The following SH3GL2 variants were observed in gnomAD, a reference collection of about 807,000 sequenced individuals.
The protein encoded by SH3GL2 is endophilin-A1.
Under a neutral mutation model 46.0 loss-of-function variants are expected in SH3GL2, and 24 were observed. That is an observed-to-expected ratio of 0.52 (90% CI 0.38 to 0.73). SH3GL2 has a LOEUF of 0.73. SH3GL2 is among the 30% of genes least tolerant of loss of function. The pLI is 0.00. For synonymous variants in SH3GL2, 196 were observed against 147.1 expected, an observed-to-expected ratio of 1.33 and a Z score of -2.40; for missense variants, 413 against 424.2, an observed-to-expected ratio of 0.97 and a Z score of 0.23.
intron 1 of SH3GL2, among the ~76,000 whole-genome samples, chr9:17,637,844 G>T (rs1248404701): frequency 1.2e-4 from 19 of 152,226 alleles, no homozygotes; most frequent in Admixed American, 1.2e-3. Context: ...CCTCCATCCA[G>T]CTTACCTTTT....
chr9:17,782,759 T>C (rs370696563), intron 3 of SH3GL2, among the ~76,000 whole-genome samples: 12 of 152,196 alleles, frequency 7.9e-5, no homozygotes, highest in Admixed American at 5.9e-4. Flanking sequence ...AGAAGCATTT[T>C]ATAAAAAATT....
chr9:17,640,475 A>G (rs1269554551), intron 1 of SH3GL2, among the ~76,000 whole-genome samples: 1 of 152,054 alleles, frequency 6.6e-6, no homozygotes, highest in Non-Finnish European at 1.5e-5. Context: ...TTTGTTTTGA[A>G]TCAAAGAGCT....
intron 1 of SH3GL2, among the ~76,000 whole-genome samples, chr9:17,695,720 G>T (rs1355249208): frequency 2.6e-5 from 4 of 151,930 alleles, no homozygotes; most frequent in Admixed American, 2.0e-4. Flanking sequence ...CTATTATGCA[G>T]AGAGCTAGGA....
intron 1 of SH3GL2, among the ~76,000 whole-genome samples, chr9:17,741,613 G>C (rs1321418066): frequency 2.0e-5 from 3 of 152,004 alleles, no homozygotes; most frequent in Admixed American, 6.6e-5. Context: ...CATAGTTAAG[G>C]GTCCTTATTT....
At chr9:17,604,187 C>T (rs1000594384) in intron 1 of SH3GL2, among the ~76,000 whole-genome samples, 7 of 152,150 alleles carry the variant, frequency 4.6e-5, no homozygotes, top group Non-Finnish European at 8.8e-5. Flanking sequence ...CCTGCGTGGG[C>T]TTCTTCCTTC....
intron 1 of SH3GL2, among the ~76,000 whole-genome samples, chr9:17,738,401 G>A (rs112205655): frequency 1.8e-4 from 26 of 143,252 alleles, no homozygotes; most frequent in African/African-American, 6.3e-4. Context: ...TAGTACTGCA[G>A]CAGGTAGAAA....
intron 1 of SH3GL2, among the ~76,000 whole-genome samples, chr9:17,681,052 A>G (rs373920123): frequency 6.6e-6 from 1 of 152,102 alleles, no homozygotes; most frequent in East Asian, 1.9e-4. Flanking sequence ...ACTTCCAACT[A>G]TGTGGTCAAT....
chr9:17,631,798 G>A (rs1468177612), intron 1 of SH3GL2, among the ~76,000 whole-genome samples: 2 of 152,134 alleles, frequency 1.3e-5, no homozygotes, highest in Non-Finnish European at 2.9e-5. Flanking sequence ...ATAGTTGGAC[G>A]AGGCTCACTT....
At chr9:17,597,174 T>A (rs117164978) in intron 1 of SH3GL2, among the ~76,000 whole-genome samples, 82 of 152,342 alleles carry the variant, frequency 5.4e-4, no homozygotes, top group Non-Finnish European at 1.0e-3. Flanking sequence ...ATGTTTTTAT[T>A]TGCTGCAAAA....
At chr9:17,708,877 G>T (rs1213480507) in intron 1 of SH3GL2, among the ~76,000 whole-genome samples, 1 of 151,944 alleles carries the variant, frequency 6.6e-6, no homozygotes, top group Non-Finnish European at 1.5e-5. Context: ...GATTTTACTG[G>T]AATGAAACCA....
chr9:17,628,408 TTGGGTGTGTGTG>T lies in SH3GL2; in HGVS notation c.45+49124_45+49135del, dbSNP rs747381337. ...CTGGGGATGCCCAGATAACTATATC[TTGGGTGTGTGTG>T]TGTGTGTGTGTGTGTGTGTGTGTGT... On this transcript the variant is annotated intron_variant, in intron 1 of 8. Transcript: ENST00000380607. 2.4e-5 allele frequency among the ~76,000 whole-genome samples: 3 copies of T among 125,046 alleles called. No individual in the cohort carries two copies. In the South Asian group the frequency reaches 8.8e-4, roughly 37 times the overall value. 82.0% of individuals were successfully genotyped at this position (125,046 alleles called of 152,430 possible).
chr9:17,757,635 C>T (rs1360947381), intron 2 of SH3GL2, among the ~76,000 whole-genome samples: 1 of 152,144 alleles, frequency 6.6e-6, no homozygotes, highest in Non-Finnish European at 1.5e-5. Context: ...TCAAAACTTA[C>T]TTTCAAATAG....
chr9:17,784,445 G>A (rs1019257897), intron 3 of SH3GL2, among the ~76,000 whole-genome samples: 2 of 152,060 alleles, frequency 1.3e-5, no homozygotes, highest in African/African-American at 4.8e-5. Flanking sequence ...TCATTACTCT[G>A]TTTCTCCTTT....
intron 1 of SH3GL2, among the ~76,000 whole-genome samples, chr9:17,604,775 G>T (rs1221569439): frequency 2.0e-5 from 3 of 152,142 alleles, no homozygotes; most frequent in African/African-American, 4.8e-5. Flanking sequence ...TTCAAGGGCG[G>T]TGCTGAGAAC....
At chr9:17,751,396 A>G (rs1822838323) in intron 2 of SH3GL2, among the ~76,000 whole-genome samples, 1 of 152,114 alleles carries the variant, frequency 6.6e-6, no homozygotes, top group Non-Finnish European at 1.5e-5. Context: ...AGTAGAAACC[A>G]TGGGGAGATA....
At chr9:17,725,170 C>T (rs2118371185) in intron 1 of SH3GL2, among the ~76,000 whole-genome samples, 1 of 152,196 alleles carries the variant, frequency 6.6e-6, no homozygotes, top group Admixed American at 6.5e-5. Context: ...TTAAGCCCCT[C>T]AAGTTAGTAA....
chr9:17,758,367 C>T (rs2131147034), intron 2 of SH3GL2, among the ~76,000 whole-genome samples: 1 of 151,844 alleles, frequency 6.6e-6, no homozygotes, highest in East Asian at 2.0e-4. Context: ...TCGAGACCAG[C>T]CTGACCAACA....
At chr9:17,764,511 G>A (rs144700496) in intron 3 of SH3GL2, among the ~76,000 whole-genome samples, 6 of 152,368 alleles carry the variant, frequency 3.9e-5, no homozygotes, top group African/African-American at 1.4e-4. Flanking sequence ...GGGCCAACCA[G>A]TGTGGATACT....
intron 1 of SH3GL2, among the ~76,000 whole-genome samples, chr9:17,677,546 G>GT (rs924948487): frequency 5.9e-4 from 89 of 151,382 alleles, no homozygotes; most frequent in Middle Eastern, 3.4e-3. Flanking sequence ...TTAAACTCAT[G>GT]TTTTCACTTT....
Sources: allele counts gnomAD v4.1 joint callset (sites outside exome capture counted in the v4.1 genomes callset), GRCh38; gene constraint gnomAD v4.1.1; transcripts MANE v1.5; gene names NCBI Gene and HGNC (gene_info 2026-07-23, HGNC 2026-07-21).